ADGRL3: variants seen among roughly 807,000 people sequenced by gnomAD.
ADGRL3 encodes the protein adhesion G protein-coupled receptor L3, also known as calcium-independent alpha-latrotoxin receptor 3.
ADGRL3 carries 62 observed loss-of-function variants against 153.5 expected under a neutral mutation model. The observed-to-expected ratio is 0.40, with a 90% confidence interval of 0.33 to 0.50. ADGRL3 has a LOEUF of 0.50. Among genes scored for constraint, ADGRL3 ranks in the 20% least tolerant of loss-of-function variants. ADGRL3 has a pLI of 0.47. For synonymous variants in ADGRL3, 710 were observed against 672.5 expected (o/e 1.06, Z -0.86); for missense variants, 1,641 against 1,859.4 (o/e 0.88, Z 2.16).
At chr4:62,055,879 A>G (rs1022699941) in intron 25 of ADGRL3, among the ~76,000 whole-genome samples, 1 of 151,578 alleles carries the variant, frequency 6.6e-6, no homozygotes, top group Admixed American at 6.6e-5. Context: ...GTAATTCTAG[A>G]AGCCTCTTCT....
rs754428912 is a variant in ADGRL3 at position 61,676,883 on chromosome 4, G to A, written c.531G>A (p.Pro177=). The A allele has an allele frequency of 3.1e-5, 50 of 1,611,898 alleles. No homozygotes were observed. The highest frequency in any genetic ancestry group is 6.7e-5 in the East Asian group (3 of 44,816). ...CAGGTCCTGATGTTTTTCCAGACCC[G>A]TGTCCAGGAACCTATAAATACCTTG... ...VVAGPDVFPD[P]CPGTYKYLEV... is the part of the protein sequence containing the mutation. The change falls in exon 6 of 27, where the codon CCG becomes CCA. Residue 177 remains proline, a synonymous_variant. Transcript: ENST00000683033.
rs1324827234 is a variant in ADGRL3 at position 62,073,461 on chromosome 4, T to C, written c.*2553T>C. On this transcript the variant is annotated 3_prime_UTR_variant, in exon 27 of 27. Coordinates refer to ENST00000683033, the MANE Select transcript of ADGRL3 (RefSeq NM_001387552.1). ...TACATTTGGCAATAAAAGAATCCTT[T>C]TTAGATGTGTTTATGGTAACTTCAG... 1.3e-5 allele frequency: 2 copies of C among 152,118 alleles called. No individual in the cohort carries two copies. The highest frequency in any genetic ancestry group is 4.8e-5 in the African/African-American group (2 of 41,432). 9.4% of individuals were successfully genotyped at this position (152,118 alleles called of 1,614,324 possible).
chr4:62,061,018 A>G (rs973939528), intron 25 of ADGRL3, among the ~76,000 whole-genome samples: 1 of 151,948 alleles, frequency 6.6e-6, no homozygotes, highest in Admixed American at 6.6e-5. Flanking sequence ...TTCCAACTCT[A>G]GAGATCTGAC....
chr4:61,997,850 T>TA (rs2099127077), intron 20 of ADGRL3, among the ~76,000 whole-genome samples: 1 of 152,176 alleles, frequency 6.6e-6, no homozygotes, highest in Non-Finnish European at 1.5e-5. Flanking sequence ...GTAACACACC[T>TA]AAAAAAGTAT....
chr4:61,214,542 A>C lies in ADGRL3; in HGVS notation c.-240+12777A>C, dbSNP rs1741721301. 2.0e-5 allele frequency among the ~76,000 whole-genome samples: 3 copies of C among 152,262 alleles called. No individual in the cohort carries two copies. In the South Asian group the frequency reaches 6.2e-4, roughly 32 times the overall value. ...GTTTGTCTATAAAAGTAGATGGGTC[A>C]GAAAAGTAATTAAACAGAACATTTT... On this transcript the variant is annotated intron_variant, in intron 1 of 26. Transcript: ENST00000683033.
In ADGRL3 at chr4:61,766,682, T is replaced by C. The variant is rs375664224; in HGVS notation, c.1399+33128T>C. On this transcript the variant is annotated intron_variant, in intron 8 of 26. Coordinates refer to ENST00000683033, the MANE Select transcript of ADGRL3 (RefSeq NM_001387552.1). ...TGTGAAGCTTTGCGGCAGTACAGCC[T>C]AGGTAATTTGATGAGCTTGATGGGT... 3.4e-4 allele frequency among the ~76,000 whole-genome samples: 52 copies of C among 151,760 alleles called. 2 individuals are homozygous for C. The highest frequency in any genetic ancestry group is 1.2e-3 in the African/African-American group (51 of 41,170).
intron 9 of ADGRL3, among the ~76,000 whole-genome samples, chr4:61,870,581 A>G (rs1180681538): frequency 4.7e-5 from 7 of 150,098 alleles, no homozygotes; most frequent in African/African-American, 9.8e-5. Context: ...TTCAAAATAT[A>G]TAAAGAATCC....
At chr4:61,520,106 G>C (rs1174228776) in intron 4 of ADGRL3, among the ~76,000 whole-genome samples, 1 of 151,994 alleles carries the variant, frequency 6.6e-6, no homozygotes, top group Non-Finnish European at 1.5e-5. Context: ...ATGAGTATTT[G>C]GATTCATACA....
chr4:61,365,932 T>A (rs2096387198), intron 1 of ADGRL3, among the ~76,000 whole-genome samples: 1 of 152,326 alleles, frequency 6.6e-6, no homozygotes, highest in Admixed American at 6.5e-5. Context: ...TTATGGGGTT[T>A]AGAAAAGCTA....
At chr4:61,540,531 G>A (rs2098683589) in intron 4 of ADGRL3, among the ~76,000 whole-genome samples, 1 of 150,816 alleles carries the variant, frequency 6.6e-6, no homozygotes, top group Admixed American at 6.6e-5. Context: ...CTGGTTGACA[G>A]AGCGAGACTC....
At chr4:61,899,303 C>T (rs1307860767) in intron 11 of ADGRL3, among the ~76,000 whole-genome samples, 2 of 152,094 alleles carry the variant, frequency 1.3e-5, no homozygotes, top group African/African-American at 4.8e-5. Flanking sequence ...CTTTTTCTCA[C>T]ACCCTTCTGC....
chr4:61,597,803 C>T (rs1236050339), intron 5 of ADGRL3, among the ~76,000 whole-genome samples: 1 of 151,844 alleles, frequency 6.6e-6, no homozygotes, highest in East Asian at 1.9e-4. Context: ...TTTCTAACTA[C>T]TTAGACACTC....
At chr4:62,020,823 G>A (rs887726072) in intron 21 of ADGRL3, among the ~76,000 whole-genome samples, 8 of 151,884 alleles carry the variant, frequency 5.3e-5, no homozygotes, top group Admixed American at 1.3e-4. Context: ...GATATAATAT[G>A]AGTTAAACTT....
intron 11 of ADGRL3, among the ~76,000 whole-genome samples, chr4:61,907,514 C>T (rs1449770998): frequency 6.6e-6 from 1 of 151,922 alleles, no homozygotes; most frequent in Non-Finnish European, 1.5e-5. Context: ...GCCTCAGCCT[C>T]CCAAAGTGCT....
intron 8 of ADGRL3, among the ~76,000 whole-genome samples, chr4:61,752,812 T>A (rs1160255681): frequency 6.6e-6 from 1 of 152,096 alleles, no homozygotes; most frequent in Admixed American, 6.6e-5. Flanking sequence ...CATTCACCTG[T>A]AGTCCTAGCT....
At chr4:61,398,648 T>C (rs1413618978) in intron 2 of ADGRL3, among the ~76,000 whole-genome samples, 1 of 151,622 alleles carries the variant, frequency 6.6e-6, no homozygotes, top group Non-Finnish European at 1.5e-5. Context: ...TTCTGTTTTT[T>C]TATCCTCCCA....
intron 8 of ADGRL3, among the ~76,000 whole-genome samples, chr4:61,737,660 G>T (rs2151878552): frequency 6.6e-6 from 1 of 152,204 alleles, no homozygotes; most frequent in Non-Finnish European, 1.5e-5. Flanking sequence ...TAATAGATTT[G>T]CAGTAACCCT....
At chr4:61,367,287 G>A (rs1239904635) in intron 1 of ADGRL3, among the ~76,000 whole-genome samples, 3 of 150,852 alleles carry the variant, frequency 2.0e-5, no homozygotes, top group Admixed American at 2.0e-4. Flanking sequence ...TGCACATTGT[G>A]CAGGTTAGTT....
chr4:61,349,567 C>G (rs183980998), intron 1 of ADGRL3, among the ~76,000 whole-genome samples: 5 of 152,092 alleles, frequency 3.3e-5, no homozygotes, highest in Admixed American at 6.5e-5. Context: ...TGATCAAGTC[C>G]AGACTCCTGG....
Sources: gnomAD v4.1 joint callset for allele counts (sites outside exome capture counted in the v4.1 genomes callset) on GRCh38, gnomAD v4.1.1 for gene constraint, MANE v1.5 for transcripts, NCBI Gene and HGNC (gene_info 2026-07-23, HGNC 2026-07-21) for gene names.